CHMP7: variants seen among roughly 807,000 people sequenced by gnomAD.
CHMP7 encodes charged multivesicular body protein 7.
A neutral mutation model predicts 53.7 loss-of-function variants in CHMP7; 15 were observed. The ratio of observed to expected loss-of-function variants is 0.28; its 90% CI spans 0.19 to 0.43. The LOEUF (loss-of-function observed/expected upper bound fraction) is 0.43. CHMP7 is among the 20% of genes least tolerant of loss of function. The pLI is 1.00. For missense variants in CHMP7, 527 were observed against 569.4 expected (o/e 0.93, Z 0.76); for synonymous variants, 261 against 228.0 (o/e 1.14, Z -1.30).
intron 3 of CHMP7, among the ~76,000 whole-genome samples, chr8:23,250,118 G>A (rs961175501): frequency 5.3e-5 from 8 of 152,124 alleles, no homozygotes; most frequent in Non-Finnish European, 1.2e-4. Context: ...GGAGGCCCTC[G>A]GAGCCACACC....
chr8:23,252,004 G>A (rs1210662582), intron 3 of CHMP7, among the ~76,000 whole-genome samples: 6 of 151,842 alleles, frequency 4.0e-5, no homozygotes, highest in Non-Finnish European at 8.8e-5. Context: ...GTATTAGGGA[G>A]TCCAGTCTCC....
intron 7 of CHMP7, 68 bp from the exon 8 acceptor site, chr8:23,258,664 T>C: frequency 7.7e-7 from 1 of 1,301,236 alleles, no homozygotes; most frequent in Non-Finnish European, 1.1e-6. Flanking sequence ...CTTTTGGAGT[T>C]GAAACAATAT....
chr8:23,254,055 C>T (rs1259744728), intron 3 of CHMP7, among the ~76,000 whole-genome samples: 11 of 152,096 alleles, frequency 7.2e-5, no homozygotes, highest in Non-Finnish European at 1.5e-5. Flanking sequence ...TCCTCTCTCT[C>T]CTTTCCCCTC....
intron 7 of CHMP7, 26 bp downstream of exon 7, chr8:23,258,475 C>G: frequency 1.2e-6 from 2 of 1,613,330 alleles, no homozygotes; most frequent in Non-Finnish European, 1.7e-6. Flanking sequence ...TACTCCAGCA[C>G]TTGGCTGGTC....
At chr8:23,255,977 C>A (rs1482791925) in intron 4 of CHMP7, among the ~76,000 whole-genome samples, 1 of 151,978 alleles carries the variant, frequency 6.6e-6, no homozygotes, top group Admixed American at 6.6e-5. Context: ...GCCAGGCTGT[C>A]TTGAACTCCT....
Position 23,246,646 on chromosome 8 carries a change from C to T in CHMP7, c.-50C>T. The T allele has an allele frequency of 2.0e-6, 3 of 1,478,898 alleles. No individual in the cohort carries two copies. The highest frequency in any genetic ancestry group is 1.8e-6 in the Non-Finnish European group (2 of 1,099,006). The allele number at this position is 1,478,898 out of a possible 1,614,324, so 91.6% of individuals were successfully genotyped here. A position where few individuals can be genotyped will look rare whatever the true frequency, so the allele number is the denominator to read the frequency against. On this transcript the variant is annotated 5_prime_UTR_variant, in exon 2 of 11. Transcript: ENST00000397677. ...AGCCGGGAGGGAACGAGGGCGGAAG[C>T]GGACCAGGGCCAGGCTTGTGTTCGC...
At chr8:23,259,967 G>A (rs1380022994) in intron 9 of CHMP7, 177 bp from the exon 10 acceptor site, 20 of 597,460 alleles carry the variant, frequency 3.3e-5, no homozygotes, top group Admixed American at 2.4e-4. Context: ...AGCTTGGAGT[G>A]TGGAAGAATC....
Position 23,246,761 on chromosome 8 carries a change from C to A in CHMP7, c.66C>A (p.Pro22=). The A allele has an allele frequency of 6.4e-7, 1 of 1,558,164 alleles. No individual in the cohort carries two copies. The highest frequency in any genetic ancestry group is 1.8e-4 in the Middle Eastern group (1 of 5,596). The change falls in exon 2 of 11, where the codon CCC becomes CCA. Residue 22 remains proline, a synonymous_variant. Coordinates refer to ENST00000397677, the MANE Select transcript of CHMP7 (RefSeq NM_152272.5). ...AGGDPAGLLP[P]EWEEDEERMS... ...GAGACCCGGCGGGCCTTCTGCCCCC[C>A]GAGTGGGAGGAGGACGAGGAGCGCA...
At chr8:23,256,915 C>T (rs927475710) in intron 5 of CHMP7, among the ~76,000 whole-genome samples, 64 of 151,278 alleles carry the variant, frequency 4.2e-4, no homozygotes, top group African/African-American at 1.6e-3. Flanking sequence ...GCGCCAGCCT[C>T]CCGAGTAGCT....
In CHMP7 at chr8:23,246,980, G is replaced by A; in HGVS notation, c.285G>A (p.Leu95=). 6.5e-7 allele frequency: 1 copy of A among 1,536,624 alleles called. No individual in the cohort carries two copies. ...TCCCGCTGGGGCTGGCCACGGTGCT[G>A]CAGGACCTGCTGCGGTGAGGGGCGG... ...GSVPLGLATV[L]QDLLRRGELQ... Residue 95 remains leucine, a synonymous_variant, in exon 2 of 11, where the codon CTG becomes CTA. Transcript: ENST00000397677.
At position 23,261,710 on chromosome 8, in the gene CHMP7, G is replaced by A. The variant is rs1293654092; in HGVS notation, c.*1111G>A. 6.6e-6 allele frequency: 1 copy of A among 152,614 alleles called. No individual in the cohort carries two copies. The highest frequency in any genetic ancestry group is 1.5e-5 in the Non-Finnish European group (1 of 68,088). 9.5% of individuals were successfully genotyped at this position (152,614 alleles called of 1,614,324 possible). On this transcript the variant is annotated 3_prime_UTR_variant, in exon 11 of 11. Transcript: ENST00000397677. ...GGGGACTTGGGGTAGGGGGACAGAC[G>A]GGAAAGGGTCTGAATGCTCTGGCAA...
Position 23,260,230 on chromosome 8 carries a change from C to G in CHMP7, c.1207C>G (p.Arg403Gly). 6.2e-7 allele frequency: 1 copy of G among 1,614,172 alleles called. No individual in the cohort carries two copies. The highest frequency in any genetic ancestry group is 1.7e-5 in the Admixed American group (1 of 60,028). The change falls in exon 10 of 11, where the codon CGC (arginine) becomes GGC (glycine). Residue 403 changes from arginine to glycine, a missense_variant. Transcript: ENST00000397677. ...ACCTTTGGATCTGCCTGACAACCCC[C>G]GCAATAGGCATTTTACCAACAGCGT... ...KEPLDLPDNP[R>G]NRHFTNSVPN... is the part of the protein sequence containing the mutation.
At chr8:23,253,745 AT>A (rs1314672639) in intron 3 of CHMP7, among the ~76,000 whole-genome samples, 1 of 152,122 alleles carries the variant, frequency 6.6e-6, no homozygotes, top group Non-Finnish European at 1.5e-5. Context: ...TTCCAACCCT[AT>A]ATCCAGTTAC....
Position 23,259,110 on chromosome 8 carries a change from G to T in CHMP7, c.1104G>T (p.Gly368=). ...QDEVSQTLAG[G]VTNGLDFDSE... ...AAGTTTCTCAGACTCTGGCTGGTGG[G>T]GTAACAAATGGCTTAGGTGAGTGGA... The change falls in exon 9 of 11, where the codon GGG becomes GGT. Residue 368 remains glycine, a synonymous_variant. Coordinates refer to ENST00000397677, the MANE Select transcript of CHMP7 (RefSeq NM_152272.5). 1 of 1,592,984 alleles carries T rather than the reference G, an allele frequency of 6.3e-7. No homozygotes were observed. Among genetic ancestry groups the T allele is most frequent in the Non-Finnish European group, 8.6e-7 (1 of 1,160,864 alleles).
At position 23,249,400 on chromosome 8, in the gene CHMP7, G is replaced by T; in HGVS notation, c.471+19G>T. ...GTTGAAGGTGGGTACTCAGAAGGGG[G>T]TGTCTGGGTGTCACCTGGTGTGATC... On this transcript the variant is annotated intron_variant, in intron 3 of 10. Transcript: ENST00000397677. 6.4e-7 allele frequency: 1 copy of T among 1,570,384 alleles called. No homozygotes were observed. The highest frequency in any genetic ancestry group is 8.6e-7 in the Non-Finnish European group (1 of 1,158,678).
intron 1 of CHMP7, among the ~76,000 whole-genome samples, chr8:23,245,695 T>A (rs4461908): frequency 2.6e-5 from 3 of 114,116 alleles, no homozygotes; most frequent in Non-Finnish European, 6.6e-5. Flanking sequence ...GGCACAGAAC[T>A]GGTACAACTT....
At position 23,246,805 on chromosome 8, in the gene CHMP7, C is replaced by T. The variant is rs1389357514; in HGVS notation, c.110C>T (p.Ala37Val). The T allele has an allele frequency of 1.3e-6, 2 of 1,593,164 alleles. No individual in the cohort carries two copies. Among genetic ancestry groups the T allele is most frequent in the African/African-American group, 1.3e-5 (1 of 74,502 alleles). The change falls in exon 2 of 11, where the codon GCT becomes GTT. Residue 37 changes from alanine (A) to valine (V), a missense_variant. By Grantham distance (64) the Ala-to-Val change is moderately conservative. Coordinates refer to ENST00000397677, the MANE Select transcript of CHMP7 (RefSeq NM_152272.5). ...DEERMSFLFS[A>V]FKRSREVNST... The stretch of plus-strand genomic sequence containing the variant: ...GAGCGCATGTCCTTCCTGTTCTCCG[C>T]TTTCAAGAGGAGTCGCGAGGTGAAC...
In CHMP7 at chr8:23,243,853, T is replaced by G. The variant is rs2128855707; in HGVS notation, c.-441+9T>G. 6.6e-6 allele frequency: 1 copy of G among 152,496 alleles called. No individual in the cohort carries two copies. Among genetic ancestry groups the G allele is most frequent in the South Asian group, 2.1e-4 (1 of 4,830 alleles). 9.4% of individuals were successfully genotyped at this position (152,496 alleles called of 1,614,324 possible). A position where few individuals can be genotyped will look rare whatever the true frequency, so the allele number is the denominator to read the frequency against. On this transcript the variant is annotated intron_variant, in intron 1 of 10. Transcript: ENST00000397677. ...TTTCACCATTCTAATAGGTGTGTAG[T>G]AGTATGCTATTCTTGTCTAATTTGC...
chr8:23,256,024 T>A (rs189935474), intron 4 of CHMP7, among the ~76,000 whole-genome samples: 174 of 152,218 alleles, frequency 1.1e-3, no homozygotes, highest in African/African-American at 4.0e-3. Context: ...CCTCCCAAAG[T>A]GCTAGGATTA....
Sources: gnomAD v4.1 joint callset for allele counts (sites outside exome capture counted in the v4.1 genomes callset) on GRCh38, gnomAD v4.1.1 for gene constraint, MANE v1.5 for transcripts, NCBI Gene and HGNC (gene_info 2026-07-23, HGNC 2026-07-21) for gene names.